Variants in ORC1 observed in about 807,000 individuals in gnomAD.
ORC1 encodes the protein origin recognition complex subunit 1.
Under a neutral mutation model 98.9 loss-of-function variants are expected in ORC1, and 61 were observed. The ratio of observed to expected loss-of-function variants is 0.62; its 90% CI spans 0.50 to 0.76. The LOEUF (loss-of-function observed/expected upper bound fraction) is 0.76. ORC1 is among the 30% of genes least tolerant of loss of function. ORC1 has a pLI of 0.00. For synonymous variants in ORC1, 385 were observed against 406.9 expected (o/e 0.95, Z 0.65); for missense variants, 979 against 1,072.2 (o/e 0.91, Z 1.21).
At chr1:52,381,800 T>C in intron 13 of ORC1, 39 bp from the exon 14 acceptor site, 1 of 1,609,062 alleles carries the variant, frequency 6.2e-7, no homozygotes. Flanking sequence ...GTTGGTTGAC[T>C]GCCCAGTGAT....
chr1:52,397,787 C>T lies in ORC1; in HGVS notation c.300G>A (p.Arg100=), dbSNP rs761276390. 2 of 1,614,150 alleles carry T rather than the reference C, an allele frequency of 1.2e-6. No homozygotes were observed. Among genetic ancestry groups the T allele is most frequent in the South Asian group, 1.1e-5 (1 of 91,074 alleles). Residue 100 remains arginine (R), a synonymous_variant, in exon 4 of 17, where the codon CGG becomes CGA. Coordinates refer to ENST00000371568, the MANE Select transcript of ORC1 (RefSeq NM_004153.4). ...CACCAGGCTTCCGGCCCAACAAATG[C>T]CGTTTACAGGCAGGGACTTCACAGA... The part of the protein sequence containing the change: ...VRFCEVPACK[R]HLLGRKPGAQ...
chr1:52,386,940 G>C (rs1303996588), intron 8 of ORC1, among the ~76,000 whole-genome samples: 1 of 152,042 alleles, frequency 6.6e-6, no homozygotes, highest in African/African-American at 2.4e-5. Flanking sequence ...AAGAGACAGA[G>C]CAAGAGCGTG....
intron 6 of ORC1, 63 bp downstream of exon 6, chr1:52,393,380 A>G (rs1647265509): frequency 1.2e-6 from 2 of 1,604,514 alleles, no homozygotes; most frequent in Non-Finnish European, 1.7e-6. Context: ...TTTGACTATG[A>G]CTCACATACT....
At chr1:52,378,252 G>A (rs188120111) in intron 14 of ORC1, among the ~76,000 whole-genome samples, 90 of 152,198 alleles carry the variant, frequency 5.9e-4, no homozygotes, top group Non-Finnish European at 1.1e-3. Context: ...GACTGAGGCA[G>A]GAGAATTGCT....
Position 52,375,571 on chromosome 1 carries a change from C to T in ORC1, c.2162G>A (p.Arg721Gln), listed in dbSNP as rs142127656. Residue 721 changes from arginine (R) to glutamine (Q), a missense_variant, in exon 15 of 17, where the codon CGG becomes CAG. By Grantham distance (43) the Arg-to-Gln change is conservative (BLOSUM62 1). Coordinates refer to ENST00000371568, the MANE Select transcript of ORC1 (RefSeq NM_004153.4). ...GGCACGCCTGCAGATGTCCAGGCAC[C>T]GTCGTGCATCTCCAGACAGTGCTGC... ...KVAALSGDAR[R>Q]CLDICRRATE... is the part of the protein sequence containing the mutation. 282 of 1,614,054 alleles carry T rather than the reference C, an allele frequency of 1.7e-4. 2 individuals carry two copies. The African/African-American group carries it at 3.4e-3, about 19-fold the overall frequency.
intron 6 of ORC1, among the ~76,000 whole-genome samples, chr1:52,389,555 G>A (rs1647184058): frequency 6.6e-6 from 1 of 152,112 alleles, no homozygotes; most frequent in Non-Finnish European, 1.5e-5. Flanking sequence ...ATTTAAATTA[G>A]ACTCACCAAC....
chr1:52,403,068 T>C (rs1384049921), intron 1 of ORC1, among the ~76,000 whole-genome samples: 4 of 152,240 alleles, frequency 2.6e-5, no homozygotes, highest in African/African-American at 7.2e-5. Context: ...AATGTTAATA[T>C]GTAACTGAGA....
intron 4 of ORC1, among the ~76,000 whole-genome samples, chr1:52,397,111 A>G (rs1647440171): frequency 6.6e-6 from 1 of 152,214 alleles, no homozygotes; most frequent in African/African-American, 2.4e-5. Context: ...TAATCATGCC[A>G]GACGAGAGTC....
chr1:52,404,631 T>G (rs1569969111), upstream of ORC1: 3 of 1,133,432 alleles, frequency 2.6e-6, no homozygotes, highest in Non-Finnish European at 3.7e-6. Context: ...TTCAAGATGG[T>G]CGCCTAAGCT....
At chr1:52,388,314 A>ATCTTT (rs1647169881) in intron 8 of ORC1, 128 bp downstream of exon 8, 2 of 846,204 alleles carry the variant, frequency 2.4e-6, no homozygotes, top group South Asian at 2.7e-5. Context: ...TATTCCACAA[A>ATCTTT]GAATAGCATT....
chr1:52,385,156 C>A lies in ORC1; in HGVS notation c.1583+5G>T. The A allele has an allele frequency of 1.3e-6, 2 of 1,595,142 alleles. No homozygotes were observed. Among genetic ancestry groups the A allele is most frequent in the Non-Finnish European group, 1.7e-6 (2 of 1,162,690 alleles). ...AAACTACCCTGCCTGCCTCACATGACTCACCCTCCGGTATGGTCAAGGAGT... is the reference window on the plus strand; with the variant it reads ...AAACTACCCTGCCTGCCTCACATGAATCACCCTCCGGTATGGTCAAGGAGT... On this transcript the variant is annotated splice_donor_5th_base_variant and intron_variant, in intron 10 of 16. Coordinates refer to ENST00000371568, the MANE Select transcript of ORC1 (RefSeq NM_004153.4).
intron 4 of ORC1, among the ~76,000 whole-genome samples, chr1:52,397,117 G>C (rs1647441227): frequency 6.6e-6 from 1 of 152,134 alleles, no homozygotes; most frequent in South Asian, 2.1e-4. Flanking sequence ...TGCCAGACGA[G>C]AGTCTCTACC....
intron 14 of ORC1, among the ~76,000 whole-genome samples, chr1:52,377,369 G>A (rs977652605): frequency 2.0e-5 from 3 of 152,098 alleles, no homozygotes; most frequent in Non-Finnish European, 2.9e-5. Context: ...CCACCTCCTC[G>A]GCTCAAGCAA....
chr1:52,393,952 G>C, intron 5 of ORC1, 149 bp from the exon 6 acceptor site: 1 of 847,554 alleles, frequency 1.2e-6, no homozygotes, highest in Non-Finnish European at 1.8e-6. Flanking sequence ...CTCCAGCCCA[G>C]GTAGCTCTAA....
intron 4 of ORC1, among the ~76,000 whole-genome samples, chr1:52,396,738 C>A (rs557268604): frequency 1.3e-5 from 2 of 152,256 alleles, no homozygotes; most frequent in African/African-American, 2.4e-5. Context: ...TATTCTTATA[C>A]CCTACCATTG....
chr1:52,375,521 G>C lies in ORC1; in HGVS notation c.2212C>G (p.Gln738Glu). ...ACCAGGCCAGGGGAGTCAGGCTTCT[G>C]CTGGGAGAACTCACAGATCTCTGTG... ...RATEICEFSQ[Q>E]KPDSPGLVTI... Residue 738 changes from glutamine to glutamate, a missense_variant, in exon 15 of 17, where the codon CAG becomes GAG. By Grantham distance (29) the Gln-to-Glu change is conservative. Coordinates refer to ENST00000371568, the MANE Select transcript of ORC1 (RefSeq NM_004153.4). 6.2e-7 allele frequency: 1 copy of C among 1,614,130 alleles called. No individual in the cohort carries two copies. Among genetic ancestry groups the C allele is most frequent in the East Asian group, 2.2e-5 (1 of 44,874 alleles).
chr1:52,408,079 A>G (rs1274832517), upstream of ORC1, among the ~76,000 whole-genome samples: 1 of 151,058 alleles, frequency 6.6e-6, no homozygotes, highest in Non-Finnish European at 1.5e-5. Context: ...ATACATAAAT[A>G]AAAATACAAA....
At chr1:52,394,277 A>T (rs1348494876) in intron 5 of ORC1, among the ~76,000 whole-genome samples, 1 of 152,236 alleles carries the variant, frequency 6.6e-6, no homozygotes, top group Non-Finnish European at 1.5e-5. Flanking sequence ...TGGTTCTGTG[A>T]ATACACAAAA....
intron 8 of ORC1, among the ~76,000 whole-genome samples, chr1:52,387,548 C>T (rs756902426): frequency 6.2e-4 from 94 of 152,272 alleles, no homozygotes; most frequent in Non-Finnish European, 9.3e-4. Flanking sequence ...ACCTCTGCCT[C>T]GCAGGTTCAA....
Sources: allele counts gnomAD v4.1 joint callset (sites outside exome capture counted in the v4.1 genomes callset), GRCh38; gene constraint gnomAD v4.1.1; transcripts MANE v1.5; gene names NCBI Gene and HGNC (gene_info 2026-07-23, HGNC 2026-07-21).